The following PARD3 variants were observed in gnomAD, a reference collection of about 807,000 sequenced individuals.
PARD3 encodes par-3 family cell polarity regulator.
PARD3 carries 75 observed loss-of-function variants against 155.4 expected under a neutral mutation model. That is an observed-to-expected ratio of 0.48 (90% CI 0.40 to 0.58). The LOEUF is 0.58. PARD3 is among the 20% of genes least tolerant of loss of function. PARD3 has a pLI of 0.00. For synonymous variants in PARD3, 576 were observed against 610.5 expected (o/e 0.94, Z 0.83); for missense variants, 1,642 against 1,721.7 (o/e 0.95, Z 0.82).
intron 22 of PARD3, among the ~76,000 whole-genome samples, chr10:34,237,458 T>C (rs1295562707): frequency 1.3e-5 from 2 of 152,208 alleles, no homozygotes; most frequent in South Asian, 2.1e-4. Flanking sequence ...GCACTGTATA[T>C]ATATTTTTTA....
At chr10:34,321,088 A>G (rs891835913) in intron 19 of PARD3, among the ~76,000 whole-genome samples, 1 of 152,188 alleles carries the variant, frequency 6.6e-6, no homozygotes, top group African/African-American at 2.4e-5. Context: ...TTGGTTACAC[A>G]TGCTTAATTT....
intron 5 of PARD3, among the ~76,000 whole-genome samples, chr10:34,404,991 C>T (rs996314030): frequency 9.9e-5 from 15 of 151,574 alleles, no homozygotes; most frequent in Non-Finnish European, 1.5e-4. Flanking sequence ...AAGCTTGAGC[C>T]CAGGAGTTCA....
chr10:34,311,739 C>T (rs1957710057), intron 20 of PARD3, among the ~76,000 whole-genome samples: 1 of 148,704 alleles, frequency 6.7e-6, no homozygotes, highest in East Asian at 1.9e-4. Flanking sequence ...TTTCCTACAC[C>T]ACCACCCCCC....
rs775430950 is a variant in PARD3 at position 34,110,869 on chromosome 10, G to A, written c.*300C>T. On this transcript the variant is annotated 3_prime_UTR_variant, in exon 25 of 25. Coordinates refer to ENST00000374788, the MANE Select transcript of PARD3 (RefSeq NM_001184785.2). ...GGTGCAGGGATGTTACAACCAAGCC[G>A]CGGACAACTCATGAGTAGGGCCGAG... The A allele has an allele frequency of 8.9e-5, 21 of 235,466 alleles. No individual in the cohort carries two copies. The highest frequency in any genetic ancestry group is 2.0e-4 in the African/African-American group (9 of 44,592). The allele number at this position is 235,466 out of a possible 1,614,324, so 14.6% of individuals were successfully genotyped here. A position where few individuals can be genotyped will look rare whatever the true frequency, so the allele number is the denominator to read the frequency against.
chr10:34,120,265 A>T (rs1448408973), intron 23 of PARD3, among the ~76,000 whole-genome samples: 2 of 147,538 alleles, frequency 1.4e-5, no homozygotes, highest in Non-Finnish European at 3.0e-5. Context: ...TCAGCCTCCC[A>T]AAGTGCTGAG....
At chr10:34,678,805 C>T (rs192497449) in intron 2 of PARD3, among the ~76,000 whole-genome samples, 143 of 151,804 alleles carry the variant, frequency 9.4e-4, no homozygotes, top group African/African-American at 3.1e-3. Flanking sequence ...CAATTCCCCC[C>T]GCCCACCAAG....
At chr10:34,618,173 A>G (rs1179226144) in intron 2 of PARD3, among the ~76,000 whole-genome samples, 1 of 152,216 alleles carries the variant, frequency 6.6e-6, no homozygotes, top group Non-Finnish European at 1.5e-5. Context: ...ATTTTTAAGA[A>G]CTTTAAACAT....
At chr10:34,808,928 G>A (rs955097511) in intron 1 of PARD3, among the ~76,000 whole-genome samples, 5 of 152,164 alleles carry the variant, frequency 3.3e-5, no homozygotes, top group Non-Finnish European at 7.3e-5. Context: ...GGAATCAGAG[G>A]CGCCAGACCA....
At chr10:34,449,021 C>A (rs184836546) in intron 5 of PARD3, among the ~76,000 whole-genome samples, 14 of 150,748 alleles carry the variant, frequency 9.3e-5, no homozygotes, top group Non-Finnish European at 2.1e-4. Flanking sequence ...CGGGTTCACG[C>A]CATTCTCCTG....
At chr10:34,669,588 C>A (rs1487099023) in intron 2 of PARD3, among the ~76,000 whole-genome samples, 1 of 151,816 alleles carries the variant, frequency 6.6e-6, no homozygotes, top group Non-Finnish European at 1.5e-5. Context: ...TACGTTTACA[C>A]AATTTTAAAA....
chr10:34,805,321 C>T (rs1390768381), intron 1 of PARD3, among the ~76,000 whole-genome samples: 2 of 152,134 alleles, frequency 1.3e-5, no homozygotes, highest in African/African-American at 4.8e-5. Context: ...TCTGCCACTG[C>T]ACTGCAGCCT....
intron 3 of PARD3, among the ~76,000 whole-genome samples, chr10:34,494,728 A>G (rs2080156148): frequency 6.6e-6 from 1 of 152,236 alleles, no homozygotes; most frequent in Non-Finnish European, 1.5e-5. Context: ...GTGAGATAAT[A>G]AAATACAGAT....
At chr10:34,562,570 C>T (rs1342821313) in intron 2 of PARD3, among the ~76,000 whole-genome samples, 4 of 152,146 alleles carry the variant, frequency 2.6e-5, no homozygotes, top group East Asian at 1.9e-4. Context: ...TTCCAAGCTT[C>T]GTGTCAGAAA....
chr10:34,628,621 T>C (rs1397655165), intron 2 of PARD3, among the ~76,000 whole-genome samples: 3 of 152,200 alleles, frequency 2.0e-5, no homozygotes, highest in Admixed American at 6.5e-5. Context: ...AGCCCTGCCC[T>C]GGAGTGAGTG....
intron 1 of PARD3, among the ~76,000 whole-genome samples, chr10:34,776,826 G>GT (rs202074847): frequency 0.016 from 720 of 45,782 alleles, 94 homozygotes; most frequent in African/African-American, 0.071. Flanking sequence ...TTTCAGTCGT[G>GT]TTTTTTTGTG....
At chr10:34,695,032 G>A (rs1475277867) in intron 2 of PARD3, among the ~76,000 whole-genome samples, 1 of 150,352 alleles carries the variant, frequency 6.7e-6, no homozygotes, top group African/African-American at 2.5e-5. Context: ...ACCATCTTCT[G>A]ACCTCACGAT....
At chr10:34,745,131 G>T (rs1835138916) in intron 1 of PARD3, among the ~76,000 whole-genome samples, 1 of 152,176 alleles carries the variant, frequency 6.6e-6, no homozygotes, top group Admixed American at 6.5e-5. Flanking sequence ...GGAGGCCAAG[G>T]CAGGAGGATC....
chr10:34,437,544 T>C (rs781668953), intron 5 of PARD3, among the ~76,000 whole-genome samples: 1 of 152,072 alleles, frequency 6.6e-6, no homozygotes, highest in Admixed American at 6.6e-5. Flanking sequence ...CAAACATCCA[T>C]TGTTCCTAGA....
At chr10:34,723,555 A>G (rs1437982781) in intron 1 of PARD3, among the ~76,000 whole-genome samples, 2 of 152,194 alleles carry the variant, frequency 1.3e-5, no homozygotes, top group East Asian at 1.9e-4. Flanking sequence ...CTTTGAGCTC[A>G]TATCACCAAT....
Sources: allele counts gnomAD v4.1 joint callset (sites outside exome capture counted in the v4.1 genomes callset), GRCh38; gene constraint gnomAD v4.1.1; transcripts MANE v1.5; gene names NCBI Gene and HGNC (gene_info 2026-07-23, HGNC 2026-07-21).